MOB3B: variants seen among roughly 807,000 people sequenced by gnomAD.
MOB3B encodes MOB kinase activator 3B.
Under a neutral mutation model 18.7 loss-of-function variants are expected in MOB3B, and 7 were observed. The ratio of observed to expected loss-of-function variants is 0.37; its 90% CI spans 0.21 to 0.70. MOB3B has a LOEUF of 0.70. Ranked by LOEUF, MOB3B falls within the 30% of genes least tolerant of loss-of-function variation. The probability of loss-of-function intolerance (pLI) is 0.52; values close to 1 mark genes in which losing one functional copy is unlikely to be tolerated. For synonymous variants in MOB3B, 111 were observed against 99.9 expected (o/e 1.11, Z -0.66); for missense variants, 253 against 281.3 (o/e 0.90, Z 0.72).
At chr9:27,347,073 T>C (rs891326950) in intron 3 of MOB3B, among the ~76,000 whole-genome samples, 1 of 152,252 alleles carries the variant, frequency 6.6e-6, no homozygotes, top group African/African-American at 2.4e-5. Context: ...ATCTATGTTA[T>C]TCTGGATCCA....
Position 27,341,141 on chromosome 9 carries a change from G to A in MOB3B, c.622-10525C>T, listed in dbSNP as rs138028495. 2.6e-3 allele frequency among the ~76,000 whole-genome samples: 395 copies of A among 152,340 alleles called. 1 individual carries two copies. Among genetic ancestry groups the A allele is most frequent in the South Asian group, 0.015 (71 of 4,828 alleles). On this transcript the variant is annotated intron_variant, in intron 3 of 3. Coordinates refer to ENST00000262244, the MANE Select transcript of MOB3B (RefSeq NM_024761.5). ...AGGAGTGGGAGGGAAGGCACTGGCC[G>A]GTGAAGCAGAGAGTACCGGAAACTC... is the stretch of plus-strand genomic sequence containing the variant.
At chr9:27,333,355 T>TAA (rs34342309) in intron 3 of MOB3B, among the ~76,000 whole-genome samples, 7,918 of 149,174 alleles carry the variant, frequency 0.053, 551 homozygotes, top group African/African-American at 0.16. Flanking sequence ...AATGAGCTGT[T>TAA]AAAAAAAAAA....
chr9:27,456,142 A>C (rs557760054), intron 1 of MOB3B, among the ~76,000 whole-genome samples: 1 of 152,172 alleles, frequency 6.6e-6, no homozygotes, highest in African/African-American at 2.4e-5. Flanking sequence ...CACTTCCCCC[A>C]TCCTTCTAGA....
intron 2 of MOB3B, among the ~76,000 whole-genome samples, chr9:27,401,431 C>T (rs1032535464): frequency 3.3e-5 from 5 of 152,170 alleles, no homozygotes; most frequent in Non-Finnish European, 5.9e-5. Context: ...CAGTGTCCAC[C>T]CTGGTCCACG....
intron 1 of MOB3B, among the ~76,000 whole-genome samples, chr9:27,464,725 G>A (rs1158107548): frequency 2.6e-5 from 4 of 152,124 alleles, no homozygotes; most frequent in Admixed American, 2.6e-4. Context: ...GTTCCACATG[G>A]CTGGGGAGGC....
intron 2 of MOB3B, among the ~76,000 whole-genome samples, chr9:27,404,666 C>T (rs1410927152): frequency 1.3e-5 from 2 of 152,042 alleles, no homozygotes; most frequent in Non-Finnish European, 2.9e-5. Flanking sequence ...CTAATTAAAC[C>T]ACATTTTCTT....
At chr9:27,382,192 T>G (rs1454167672) in intron 2 of MOB3B, among the ~76,000 whole-genome samples, 1 of 152,198 alleles carries the variant, frequency 6.6e-6, no homozygotes, top group Non-Finnish European at 1.5e-5. Flanking sequence ...TTGTTATTAT[T>G]GCCACCACTT....
chr9:27,529,647 G>C lies in MOB3B; in HGVS notation c.-291C>G. The C allele has an allele frequency of 2.0e-6, 2 of 985,528 alleles. No individual in the cohort carries two copies. Among genetic ancestry groups the C allele is most frequent in the Non-Finnish European group, 2.4e-6 (2 of 829,998 alleles). 61.0% of individuals were successfully genotyped at this position (985,528 alleles called of 1,614,324 possible). A position where few individuals can be genotyped will look rare whatever the true frequency, so the allele number is the denominator to read the frequency against. On this transcript the variant is annotated 5_prime_UTR_variant, in exon 1 of 4. Coordinates refer to ENST00000262244, the MANE Select transcript of MOB3B (RefSeq NM_024761.5). ...AAAGAAAATGGTGAGCTCGGGGCAG[G>C]TGGGGCGTCGCTTGCCAATCCACGC...
intron 1 of MOB3B, among the ~76,000 whole-genome samples, chr9:27,476,676 C>T (rs1010841485): frequency 6.6e-6 from 1 of 152,150 alleles, no homozygotes; most frequent in African/African-American, 2.4e-5. Context: ...ATCACTGTCC[C>T]CTCTTCCTGA....
intron 2 of MOB3B, among the ~76,000 whole-genome samples, chr9:27,416,440 G>A (rs1822149418): frequency 6.6e-6 from 1 of 151,574 alleles, no homozygotes; most frequent in South Asian, 2.1e-4. Flanking sequence ...AGATTCCTTT[G>A]ACAACCTGAA....
At chr9:27,471,090 C>T (rs1475718171) in intron 1 of MOB3B, among the ~76,000 whole-genome samples, 1 of 152,104 alleles carries the variant, frequency 6.6e-6, no homozygotes, top group East Asian at 1.9e-4. Context: ...AGACCAAGAT[C>T]ACTTGCACCT....
intron 1 of MOB3B, among the ~76,000 whole-genome samples, chr9:27,491,382 G>T (rs1819816415): frequency 6.6e-6 from 1 of 152,102 alleles, no homozygotes; most frequent in Non-Finnish European, 1.5e-5. Context: ...GTGCAAGAGA[G>T]CACAGCCACC....
chr9:27,461,041 C>T (rs1702191434), intron 1 of MOB3B, among the ~76,000 whole-genome samples: 1 of 152,190 alleles, frequency 6.6e-6, no homozygotes, highest in African/African-American at 2.4e-5. Context: ...TTCAGCTCAA[C>T]TTTTCTTTCA....
chr9:27,430,507 G>T (rs557134014), intron 2 of MOB3B, among the ~76,000 whole-genome samples: 1 of 152,190 alleles, frequency 6.6e-6, no homozygotes, highest in South Asian at 2.1e-4. Flanking sequence ...TGCAGCCAAC[G>T]CAGAACCAAT....
intron 1 of MOB3B, among the ~76,000 whole-genome samples, chr9:27,518,761 G>A (rs144053583): frequency 2.6e-5 from 4 of 152,246 alleles, no homozygotes; most frequent in East Asian, 3.9e-4. Context: ...GCAGCAAAAG[G>A]GGGTGGTGGA....
intron 2 of MOB3B, among the ~76,000 whole-genome samples, chr9:27,390,149 C>T (rs1445324781): frequency 6.6e-6 from 1 of 151,840 alleles, no homozygotes; most frequent in African/African-American, 2.4e-5. Flanking sequence ...GTGATCTTGG[C>T]TCACAGCAAC....
At chr9:27,463,611 T>C (rs1032268953) in intron 1 of MOB3B, among the ~76,000 whole-genome samples, 1 of 152,226 alleles carries the variant, frequency 6.6e-6, no homozygotes, top group Admixed American at 6.5e-5. Context: ...GCAATGACTT[T>C]AGCTGGCTAT....
At chr9:27,456,546 G>T (rs540926298) in intron 1 of MOB3B, among the ~76,000 whole-genome samples, 1 of 152,236 alleles carries the variant, frequency 6.6e-6, no homozygotes, top group Admixed American at 6.5e-5. Flanking sequence ...TGCCTTTTGG[G>T]ATCCATTCAC....
intron 1 of MOB3B, among the ~76,000 whole-genome samples, chr9:27,462,817 C>T (rs1256018472): frequency 6.6e-6 from 1 of 152,216 alleles, no homozygotes; most frequent in Non-Finnish European, 1.5e-5. Context: ...TTATGTATGA[C>T]ATCTGGAACC....
Sources: gnomAD v4.1 joint callset for allele counts (sites outside exome capture counted in the v4.1 genomes callset) on GRCh38, gnomAD v4.1.1 for gene constraint, MANE v1.5 for transcripts, NCBI Gene and HGNC (gene_info 2026-07-23, HGNC 2026-07-21) for gene names.